The following SORCS3 variants were observed in gnomAD, a reference collection of about 807,000 sequenced individuals.
The protein encoded by SORCS3 is sortilin related VPS10 domain containing receptor 3.
A neutral mutation model predicts 146.3 loss-of-function variants in SORCS3; 57 were observed. The observed-to-expected ratio is 0.39, with a 90% confidence interval of 0.31 to 0.49. The LOEUF (loss-of-function observed/expected upper bound fraction) is 0.49, where lower values mean the gene tolerates loss of function less well. Ranked by LOEUF, SORCS3 falls within the 20% of genes least tolerant of loss-of-function variation. The probability of loss-of-function intolerance (pLI) is 0.92; values close to 1 mark genes in which losing one functional copy is unlikely to be tolerated. For synonymous variants in SORCS3, 653 were observed against 618.5 expected, an observed-to-expected ratio of 1.06 and a Z score of -0.83; for missense variants, 1,341 against 1,575.5, an observed-to-expected ratio of 0.85 and a Z score of 2.52.
chr10:104,824,070 A>G (rs1396448319), intron 1 of SORCS3, among the ~76,000 whole-genome samples: 2 of 152,202 alleles, frequency 1.3e-5, no homozygotes, highest in South Asian at 2.1e-4. Flanking sequence ...GAGCCCCCAC[A>G]AGGAATGTAG....
At chr10:104,806,312 T>G (rs1007518525) in intron 1 of SORCS3, among the ~76,000 whole-genome samples, 3 of 152,152 alleles carry the variant, frequency 2.0e-5, no homozygotes, top group African/African-American at 7.2e-5. Flanking sequence ...CAGTTACAGG[T>G]GACACAATAG....
At chr10:104,981,319 A>G (rs923744517) in intron 4 of SORCS3, among the ~76,000 whole-genome samples, 6 of 152,186 alleles carry the variant, frequency 3.9e-5, no homozygotes, top group Admixed American at 1.3e-4. Flanking sequence ...TAGATATTTT[A>G]TAAGAATTCC....
intron 14 of SORCS3, among the ~76,000 whole-genome samples, chr10:105,185,770 G>T (rs867205073): frequency 6.6e-6 from 1 of 152,026 alleles, no homozygotes; most frequent in African/African-American, 2.4e-5. Context: ...GTCCATCTCA[G>T]ACTTATTATC....
chr10:104,644,492 A>G (rs1017933458), intron 1 of SORCS3, among the ~76,000 whole-genome samples: 1 of 152,212 alleles, frequency 6.6e-6, no homozygotes, highest in African/African-American at 2.4e-5. Flanking sequence ...ACATTGACCC[A>G]GCTGGTTTTT....
At chr10:105,247,789 A>AT (rs1270090725) in intron 22 of SORCS3, among the ~76,000 whole-genome samples, 2 of 152,174 alleles carry the variant, frequency 1.3e-5, no homozygotes, top group African/African-American at 2.4e-5. Flanking sequence ...GAATTGTAGG[A>AT]TTAAAGAAGG....
intron 4 of SORCS3, among the ~76,000 whole-genome samples, chr10:105,024,836 C>T (rs1033383103): frequency 2.0e-4 from 31 of 152,254 alleles, no homozygotes; most frequent in African/African-American, 6.7e-4. Context: ...TCAGACCGAA[C>T]GTGTAACAAA....
At chr10:104,893,800 G>A (rs1164382199) in intron 2 of SORCS3, among the ~76,000 whole-genome samples, 1 of 152,110 alleles carries the variant, frequency 6.6e-6, no homozygotes, top group Admixed American at 6.5e-5. Flanking sequence ...GGCAAGCACT[G>A]CCATGCTTAG....
chr10:105,091,207 C>T (rs921295030), intron 6 of SORCS3, among the ~76,000 whole-genome samples: 4 of 129,430 alleles, frequency 3.1e-5, no homozygotes, highest in Non-Finnish European at 5.1e-5. Context: ...TTCCTTCCCT[C>T]CTTCCTTCCT....
intron 5 of SORCS3, among the ~76,000 whole-genome samples, chr10:105,077,269 A>G (rs951405258): frequency 2.6e-5 from 4 of 152,172 alleles, no homozygotes; most frequent in African/African-American, 7.2e-5. Flanking sequence ...TTTCTATTCC[A>G]GTCTCTTCTA....
intron 5 of SORCS3, among the ~76,000 whole-genome samples, chr10:105,044,336 G>A (rs2055355551): frequency 1.3e-5 from 2 of 152,100 alleles, no homozygotes; most frequent in African/African-American, 2.4e-5. Flanking sequence ...GGGTGACAGA[G>A]AATAGGCTAC....
intron 1 of SORCS3, among the ~76,000 whole-genome samples, chr10:104,727,974 C>A (rs2016658776): frequency 6.6e-6 from 1 of 152,046 alleles, no homozygotes; most frequent in Non-Finnish European, 1.5e-5. Flanking sequence ...CAAAACCGGT[C>A]CCTGGTGCCA....
intron 1 of SORCS3, among the ~76,000 whole-genome samples, chr10:104,800,277 A>G (rs1312784240): frequency 1.3e-5 from 2 of 152,166 alleles, no homozygotes; most frequent in Non-Finnish European, 2.9e-5. Context: ...ATTCTGGAAA[A>G]GGCAAAACTT....
intron 14 of SORCS3, among the ~76,000 whole-genome samples, chr10:105,199,314 T>C (rs2056561287): frequency 6.6e-6 from 1 of 152,096 alleles, no homozygotes; most frequent in African/African-American, 2.4e-5. Context: ...AGGTCAGTAT[T>C]GATTATCTAA....
At position 104,824,076 on chromosome 10, in the gene SORCS3, T is replaced by C. The variant is rs545943998; in HGVS notation, c.628-18716T>C. On this transcript the variant is annotated intron_variant, in intron 1 of 26. Transcript: ENST00000369701. Reference sequence around the variant, plus strand: ...TTTCCCCTAGAGCCCCCACAAGGAATGTAGAACACAACCCTACCAATACCT... The same window carrying C: ...TTTCCCCTAGAGCCCCCACAAGGAACGTAGAACACAACCCTACCAATACCT... Among the ~76,000 whole-genome samples the C allele has an allele frequency of 2.5e-3, 380 of 152,260 alleles. 1 individual carries two copies. The highest frequency in any genetic ancestry group is 8.4e-3 in the African/African-American group (347 of 41,548).
intron 1 of SORCS3, among the ~76,000 whole-genome samples, chr10:104,831,735 T>A (rs541756864): frequency 6.6e-6 from 1 of 152,340 alleles, no homozygotes; most frequent in South Asian, 2.1e-4. Flanking sequence ...TTCCTGGGAA[T>A]GTTCAAAAGA....
intron 1 of SORCS3, among the ~76,000 whole-genome samples, chr10:104,819,904 G>T (rs1298861334): frequency 6.6e-6 from 1 of 152,170 alleles, no homozygotes; most frequent in Non-Finnish European, 1.5e-5. Flanking sequence ...AGCCAAGATT[G>T]CTCATGCAGC....
chr10:104,916,393 G>T (rs753351677), intron 3 of SORCS3, among the ~76,000 whole-genome samples: 2 of 152,156 alleles, frequency 1.3e-5, no homozygotes, highest in Admixed American at 6.5e-5. Context: ...AAGGGAGATT[G>T]TTTCTCCCAC....
chr10:104,711,752 A>C (rs1165800650), intron 1 of SORCS3, among the ~76,000 whole-genome samples: 1 of 152,166 alleles, frequency 6.6e-6, no homozygotes, highest in Non-Finnish European at 1.5e-5. Flanking sequence ...GGACTTTTGG[A>C]AGCATCACAG....
At chr10:105,151,147 A>G (rs1380367029) in intron 9 of SORCS3, among the ~76,000 whole-genome samples, 1 of 152,198 alleles carries the variant, frequency 6.6e-6, no homozygotes, top group African/African-American at 2.4e-5. Flanking sequence ...TGGAGTTACA[A>G]AAGAATAATT....
Sources: allele counts gnomAD v4.1 joint callset (sites outside exome capture counted in the v4.1 genomes callset), GRCh38; gene constraint gnomAD v4.1.1; transcripts MANE v1.5; gene names NCBI Gene and HGNC (gene_info 2026-07-23, HGNC 2026-07-21).